Variants in TSPAN3 observed in about 807,000 individuals in gnomAD.
The protein encoded by TSPAN3 is tetraspanin 3, also known as tetraspanin-3.
A neutral mutation model predicts 31.1 loss-of-function variants in TSPAN3; 9 were observed. That is an observed-to-expected ratio of 0.29 (90% CI 0.17 to 0.50). The LOEUF (loss-of-function observed/expected upper bound fraction) is 0.50. Ranked by LOEUF, TSPAN3 falls within the 20% of genes least tolerant of loss-of-function variation. TSPAN3 has a pLI of 0.98. For synonymous variants in TSPAN3, 129 were observed against 114.3 expected, an observed-to-expected ratio of 1.13 and a Z score of -0.82; for missense variants, 252 against 313.5, an observed-to-expected ratio of 0.80 and a Z score of 1.48.
At chr15:77,068,322 G>A (rs1017240193) in intron 1 of TSPAN3, 1 of 152,014 alleles carries the variant, frequency 6.6e-6, no homozygotes, top group African/African-American at 2.4e-5. Context: ...GCAATAACCC[G>A]CTATGAAAAG....
At chr15:77,066,797 G>C (rs2076836439) in intron 1 of TSPAN3, among the ~76,000 whole-genome samples, 1 of 151,998 alleles carries the variant, frequency 6.6e-6, no homozygotes, top group African/African-American at 2.4e-5. Context: ...CTAGAATTTG[G>C]TGAGAAACTG....
At chr15:77,059,152 A>G (rs756822802) in intron 1 of TSPAN3, among the ~76,000 whole-genome samples, 12 of 152,064 alleles carry the variant, frequency 7.9e-5, no homozygotes, top group Non-Finnish European at 1.6e-4. Flanking sequence ...GCGCAATCTC[A>G]GCTCACTGCA....
At chr15:77,060,478 C>T (rs546786693) in intron 1 of TSPAN3, among the ~76,000 whole-genome samples, 2 of 152,162 alleles carry the variant, frequency 1.3e-5, no homozygotes, top group African/African-American at 4.8e-5. Context: ...GAAAAACACC[C>T]AAAAGAACAT....
At chr15:77,070,378 C>T (rs1035811487) in intron 1 of TSPAN3, among the ~76,000 whole-genome samples, 2 of 152,210 alleles carry the variant, frequency 1.3e-5, no homozygotes, top group African/African-American at 4.8e-5. Context: ...GACAGTCAGC[C>T]GGTTCTCCAC....
At chr15:77,063,139 T>C (rs1404312453) in intron 1 of TSPAN3, among the ~76,000 whole-genome samples, 1 of 152,324 alleles carries the variant, frequency 6.6e-6, no homozygotes, top group South Asian at 2.1e-4. Context: ...TCTTCCATCC[T>C]AAATATTTTA....
Position 77,052,286 on chromosome 15 carries a change from C to A in TSPAN3, c.669+99G>T, listed in dbSNP as rs1032859263. The A allele has an allele frequency of 2.6e-5, 27 of 1,034,266 alleles. No individual in the cohort carries two copies. The African/African-American group carries it at 4.2e-4, about 16-fold the overall frequency. 64.1% of individuals were successfully genotyped at this position (1,034,266 alleles called of 1,614,324 possible). The stretch of plus-strand genomic sequence containing the variant: ...ACCTCAGTCACTTCCACATTACCTA[C>A]ATACACAAAGATTCACTGTGATGGG... On this transcript the variant is annotated intron_variant, in intron 6 of 6. Transcript: ENST00000267970.
Position 77,046,618 on chromosome 15 carries a change from T to G in TSPAN3, c.*217A>C. On this transcript the variant is annotated 3_prime_UTR_variant, in exon 7 of 7. Transcript: ENST00000267970. ...AAATTAGAACGTTCACCATCGTACT[T>G]AAAATCTTAGGGGCATGAAGAGTCA... 2 of 546,112 alleles carry G rather than the reference T, an allele frequency of 3.7e-6. No homozygotes were observed. Among genetic ancestry groups the G allele is most frequent in the Non-Finnish European group, 6.5e-6 (2 of 309,228 alleles). The allele number at this position is 546,112 out of a possible 1,614,324, so 33.8% of individuals were successfully genotyped here. A position where few individuals can be genotyped will look rare whatever the true frequency, so the allele number is the denominator to read the frequency against.
chr15:77,062,912 G>A (rs1468208742), intron 1 of TSPAN3, among the ~76,000 whole-genome samples: 1 of 152,056 alleles, frequency 6.6e-6, no homozygotes, highest in African/African-American at 2.4e-5. Flanking sequence ...ATCACATATT[G>A]GAAACAAACC....
At chr15:77,058,626 T>A (rs1235577474) in intron 1 of TSPAN3, among the ~76,000 whole-genome samples, 2 of 152,234 alleles carry the variant, frequency 1.3e-5, no homozygotes, top group African/African-American at 4.8e-5. Context: ...ATTGTACCCA[T>A]CTGTCCTTCA....
intron 1 of TSPAN3, among the ~76,000 whole-genome samples, chr15:77,069,016 T>A (rs2076850456): frequency 6.6e-6 from 1 of 152,230 alleles, no homozygotes. Context: ...GTGGGATTGC[T>A]GGGTCGAATG....
At chr15:77,067,485 T>G (rs1018427701) in intron 1 of TSPAN3, among the ~76,000 whole-genome samples, 2 of 152,322 alleles carry the variant, frequency 1.3e-5, no homozygotes, top group African/African-American at 4.8e-5. Context: ...ACTTTGACCC[T>G]TGTTAACAAT....
chr15:77,061,032 T>C (rs2152697140), intron 1 of TSPAN3, among the ~76,000 whole-genome samples: 1 of 152,350 alleles, frequency 6.6e-6, no homozygotes, highest in South Asian at 2.1e-4. Flanking sequence ...TAAAGCCATC[T>C]TGTTATAAAA....
chr15:77,054,383 A>G (rs997852804), intron 3 of TSPAN3, 104 bp from the exon 4 acceptor site: 3 of 764,922 alleles, frequency 3.9e-6, no homozygotes, highest in African/African-American at 1.7e-5. Context: ...AAGTTGCCAG[A>G]TATCTATGAA....
chr15:77,063,929 TAA>T (rs1163681612), intron 1 of TSPAN3: 1 of 152,172 alleles, frequency 6.6e-6, no homozygotes, highest in Non-Finnish European at 1.5e-5. Flanking sequence ...ACTCTAATTG[TAA>T]AAAGAGTCCA....
chr15:77,051,431 G>C (rs1367534255), intron 6 of TSPAN3, among the ~76,000 whole-genome samples: 3 of 151,724 alleles, frequency 2.0e-5, no homozygotes, highest in Admixed American at 6.6e-5. Context: ...GGGAAGCTGA[G>C]GCAGAAGAAT....
At chr15:77,070,411 C>T (rs931451086) in intron 1 of TSPAN3, among the ~76,000 whole-genome samples, 5 of 152,224 alleles carry the variant, frequency 3.3e-5, no homozygotes, top group Non-Finnish European at 4.4e-5. Flanking sequence ...TTAAGTGGAA[C>T]CCCCGCCCCG....
chr15:77,049,558 G>T (rs899702127), intron 6 of TSPAN3, among the ~76,000 whole-genome samples: 1 of 152,080 alleles, frequency 6.6e-6, no homozygotes, highest in Non-Finnish European at 1.5e-5. Flanking sequence ...TAAGAGAGTG[G>T]CTACTCTCAA....
intron 1 of TSPAN3, among the ~76,000 whole-genome samples, chr15:77,061,673 C>A (rs2076801594): frequency 6.6e-6 from 1 of 151,980 alleles, no homozygotes. Context: ...GCTCTGTTGC[C>A]AAAAGTATAC....
In TSPAN3 at chr15:77,052,466, C is replaced by A. The variant is rs371759975; in HGVS notation, c.588G>T (p.Gly196=). Residue 196 remains glycine (G), a splice_region_variant and synonymous_variant, in exon 6 of 7, where the codon GGG becomes GGT. Coordinates refer to ENST00000267970, the MANE Select transcript of TSPAN3 (RefSeq NM_005724.6). ...LAHPSDLYAE[G]CEALVVKKLQ... is the part of the protein sequence containing the mutation. ...GCTTCTTCACTACTAGAGCCTCACA[C>A]CCCTGTAACAAACACAGTCATCCTC... 4.0e-5 allele frequency: 64 copies of A among 1,613,690 alleles called. No homozygotes were observed. Among genetic ancestry groups the A allele is most frequent in the Non-Finnish European group, 5.4e-5 (64 of 1,179,740 alleles).
Sources: gnomAD v4.1 joint callset for allele counts (sites outside exome capture counted in the v4.1 genomes callset) on GRCh38, gnomAD v4.1.1 for gene constraint, MANE v1.5 for transcripts, NCBI Gene and HGNC (gene_info 2026-07-23, HGNC 2026-07-21) for gene names.